The following VIT variants were observed in gnomAD, a reference collection of about 807,000 sequenced individuals.
VIT encodes vitrin.
Under a neutral mutation model 78.0 loss-of-function variants are expected in VIT, and 99 were observed. The observed-to-expected ratio is 1.27, with a 90% CI of 1.08 to 1.50. The LOEUF (loss-of-function observed/expected upper bound fraction) is 1.50, where lower values mean the gene tolerates loss of function less well. Ranked by LOEUF, VIT falls within the 40% of genes most tolerant of loss-of-function variation. The pLI is 0.00. For synonymous variants in VIT, 374 were observed against 334.3 expected, an observed-to-expected ratio of 1.12 and a Z score of -1.29; for missense variants, 1,126 against 875.3, an observed-to-expected ratio of 1.29 and a Z score of -3.61.
intron 11 of VIT, 152 bp downstream of exon 11, chr2:36,783,554 G>A: frequency 1.4e-6 from 1 of 725,854 alleles, no homozygotes; most frequent in Admixed American, 2.6e-5. Context: ...AGGGGAAAGG[G>A]AAGCTTTTGA....
chr2:36,708,439 G>A (rs919513493), intron 1 of VIT, among the ~76,000 whole-genome samples: 1 of 152,200 alleles, frequency 6.6e-6, no homozygotes, highest in Non-Finnish European at 1.5e-5. Flanking sequence ...ATGTCTGCTA[G>A]GGCAGATTTT....
intron 9 of VIT, among the ~76,000 whole-genome samples, chr2:36,775,873 C>T (rs528427435): frequency 8.5e-5 from 13 of 152,128 alleles, no homozygotes; most frequent in Non-Finnish European, 1.9e-4. Context: ...GGAAGGAAGC[C>T]ATTTGCACAC....
intron 3 of VIT, among the ~76,000 whole-genome samples, chr2:36,735,919 G>T (rs991214997): frequency 6.6e-6 from 1 of 152,210 alleles, no homozygotes; most frequent in Non-Finnish European, 1.5e-5. Flanking sequence ...ACATGAGCCT[G>T]TCTACCTTCT....
chr2:36,810,008 A>AG (rs397723639), intron 15 of VIT, among the ~76,000 whole-genome samples: 282 of 149,008 alleles, frequency 1.9e-3, no homozygotes, highest in Non-Finnish European at 2.9e-3. Flanking sequence ...AAAAAAAAAA[A>AG]GGGCCAGGCA....
At chr2:36,810,380 A>G (rs1667069141) in intron 15 of VIT, among the ~76,000 whole-genome samples, 1 of 152,268 alleles carries the variant, frequency 6.6e-6, no homozygotes, top group South Asian at 2.1e-4. Flanking sequence ...TGAGCAAAAT[A>G]TGTCTGTAAA....
At chr2:36,739,593 G>A (rs2148508845) in intron 3 of VIT, among the ~76,000 whole-genome samples, 1 of 152,284 alleles carries the variant, frequency 6.6e-6, no homozygotes, top group Non-Finnish European at 1.5e-5. Flanking sequence ...GATCTGGTTT[G>A]CAGGTGGTTC....
intron 12 of VIT, among the ~76,000 whole-genome samples, chr2:36,798,229 C>G (rs1003417396): frequency 6.6e-6 from 1 of 152,084 alleles, no homozygotes; most frequent in African/African-American, 2.4e-5. Context: ...GAACTGAGGA[C>G]TGAAGGTTCC....
intron 10 of VIT, among the ~76,000 whole-genome samples, chr2:36,782,365 A>T (rs559666343): frequency 4.3e-4 from 65 of 152,336 alleles, no homozygotes; most frequent in African/African-American, 1.5e-3. Context: ...ACCCAAAGTG[A>T]ATGTTTAAAA....
At chr2:36,729,933 C>G (rs1258756608) in intron 3 of VIT, among the ~76,000 whole-genome samples, 1 of 152,140 alleles carries the variant, frequency 6.6e-6, no homozygotes, top group Admixed American at 6.6e-5. Flanking sequence ...ATTTCACACC[C>G]AATCAATGGA....
chr2:36,789,957 C>A lies in VIT; in HGVS notation c.1058+2681C>A, dbSNP rs1665373568. 2.0e-5 allele frequency among the ~76,000 whole-genome samples: 3 copies of A among 152,200 alleles called. No individual in the cohort carries two copies. In the South Asian group the frequency reaches 6.2e-4, roughly 32 times the overall value. On this transcript the variant is annotated intron_variant, in intron 12 of 15. Coordinates refer to ENST00000379242, the MANE Select transcript of VIT (RefSeq NM_053276.4). ...TCCCTTCTCCCCTCTGTTACCACTG[C>A]CCCTGGTCCACACAGCTTCCTGGAA... is the stretch of plus-strand genomic sequence containing the variant.
chr2:36,712,830 G>A (rs7584029), intron 1 of VIT, among the ~76,000 whole-genome samples: 16,509 of 152,228 alleles, frequency 0.11, 1,084 homozygotes, highest in African/African-American at 0.17. Flanking sequence ...GCGAGACTCC[G>A]TCTCAATCAA....
At chr2:36,719,579 CAA>C (rs70946946) in intron 2 of VIT, among the ~76,000 whole-genome samples, 1 of 151,368 alleles carries the variant, frequency 6.6e-6, no homozygotes, top group African/African-American at 2.4e-5. Context: ...ACGATAGTAT[CAA>C]AAAAAAACTA....
chr2:36,708,628 C>G (rs1665603042), intron 1 of VIT, among the ~76,000 whole-genome samples: 1 of 152,196 alleles, frequency 6.6e-6, no homozygotes, highest in Admixed American at 6.5e-5. Context: ...TGATTCCTCT[C>G]CCAGCCTGGC....
chr2:36,787,363 T>C (rs1156507113), intron 12 of VIT, 87 bp downstream of exon 12: 2 of 1,490,300 alleles, frequency 1.3e-6, no homozygotes, highest in Non-Finnish European at 9.0e-7. Flanking sequence ...ATGCCACAAA[T>C]ATTACCAACA....
intron 1 of VIT, among the ~76,000 whole-genome samples, chr2:36,708,764 G>A (rs963763442): frequency 6.6e-5 from 10 of 152,056 alleles, no homozygotes; most frequent in African/African-American, 1.4e-4. Flanking sequence ...CGTTTCAGGC[G>A]TATGTGCCCA....
chr2:36,731,366 C>G (rs566678343), intron 3 of VIT, among the ~76,000 whole-genome samples: 1 of 152,124 alleles, frequency 6.6e-6, no homozygotes, highest in African/African-American at 2.4e-5. Flanking sequence ...CTCCACCTCC[C>G]GGGTTCAAGT....
chr2:36,772,871 G>A (rs912354511), intron 7 of VIT, among the ~76,000 whole-genome samples: 1 of 152,052 alleles, frequency 6.6e-6, no homozygotes, highest in African/African-American at 2.4e-5. Flanking sequence ...ATGACATTTG[G>A]TTATTTCCGT....
chr2:36,760,151 C>CG (rs1390426969), intron 6 of VIT, among the ~76,000 whole-genome samples: 1 of 151,978 alleles, frequency 6.6e-6, no homozygotes, highest in Non-Finnish European at 1.5e-5. Context: ...CCTGCCACCA[C>CG]GCCCGGCTAA....
At chr2:36,697,661 A>G (rs1339259351) in intron 1 of VIT, among the ~76,000 whole-genome samples, 1 of 152,378 alleles carries the variant, frequency 6.6e-6, no homozygotes, top group Non-Finnish European at 1.5e-5. Flanking sequence ...TCCAACTAGT[A>G]TAAACATGAA....
Sources: allele counts gnomAD v4.1 joint callset (sites outside exome capture counted in the v4.1 genomes callset), GRCh38; gene constraint gnomAD v4.1.1; transcripts MANE v1.5; gene names NCBI Gene and HGNC (gene_info 2026-07-23, HGNC 2026-07-21).